Variants in TAFA5 observed in about 807,000 individuals in gnomAD.
TAFA5 encodes the protein TAFA chemokine like family member 5.
In TAFA5, 6 loss-of-function variants were observed where a neutral mutation model predicts 15.3. The ratio of observed to expected loss-of-function variants is 0.39; its 90% confidence interval spans 0.21 to 0.77. The LOEUF (loss-of-function observed/expected upper bound fraction) is 0.77. Ranked by LOEUF, TAFA5 falls within the 30% of genes least tolerant of loss-of-function variation. The pLI is 0.41. For missense variants in TAFA5, 161 were observed against 193.1 expected (o/e 0.83, Z 0.98); for synonymous variants, 103 against 80.7 (o/e 1.28, Z -1.48).
intron 1 of TAFA5, among the ~76,000 whole-genome samples, chr22:48,576,921 G>T (rs1923832316): frequency 6.6e-6 from 1 of 152,068 alleles, no homozygotes; most frequent in Non-Finnish European, 1.5e-5. Context: ...CCCGCACGCC[G>T]CCGGGCCCTC....
intron 1 of TAFA5, among the ~76,000 whole-genome samples, chr22:48,638,532 C>G (rs1241229268): frequency 1.5e-5 from 2 of 136,330 alleles, no homozygotes; most frequent in African/African-American, 5.7e-5. Flanking sequence ...GACCCCAACA[C>G]TAAGCCCTGG....
At chr22:48,626,834 G>A (rs1419781673) in intron 1 of TAFA5, among the ~76,000 whole-genome samples, 2 of 152,126 alleles carry the variant, frequency 1.3e-5, no homozygotes, top group African/African-American at 4.8e-5. Flanking sequence ...TCGTCTTTAG[G>A]TCTCAGGTCC....
At chr22:48,681,741 A>G (rs1928197688) in intron 2 of TAFA5, among the ~76,000 whole-genome samples, 1 of 152,048 alleles carries the variant, frequency 6.6e-6, no homozygotes, top group African/African-American at 2.4e-5. Flanking sequence ...GACAGAACAC[A>G]CGTGTAGTTA....
intron 2 of TAFA5, among the ~76,000 whole-genome samples, chr22:48,703,425 G>A (rs948500204): frequency 3.3e-5 from 5 of 152,246 alleles, no homozygotes; most frequent in Admixed American, 6.5e-5. Context: ...TAGACAGCCA[G>A]TGGGCTGGGC....
intron 1 of TAFA5, among the ~76,000 whole-genome samples, chr22:48,613,154 C>T (rs1925473510): frequency 6.6e-6 from 1 of 152,216 alleles, no homozygotes. Context: ...TCTCCTGATG[C>T]CTTCACTGAG....
At chr22:48,649,593 C>T (rs577718061) in intron 2 of TAFA5, among the ~76,000 whole-genome samples, 18 of 152,324 alleles carry the variant, frequency 1.2e-4, no homozygotes, top group East Asian at 3.9e-4. Context: ...TCTCAGGCCT[C>T]GGTTCTACAG....
chr22:48,715,606 C>G (rs1569091417), intron 3 of TAFA5, among the ~76,000 whole-genome samples: 2 of 152,206 alleles, frequency 1.3e-5, no homozygotes, highest in South Asian at 4.1e-4. Flanking sequence ...CCATGTGCTG[C>G]CTGGAACACT....
chr22:48,589,428 A>G lies in TAFA5; in HGVS notation c.113-57169A>G, dbSNP rs1353411090. ...GTTGGAGGTCCCCAAAGACAGAGCC[A>G]CCTGGAAACCCAGGGTCGGTTGGAG... On this transcript the variant is annotated intron_variant, in intron 1 of 3. Transcript: ENST00000402357. Among the ~76,000 whole-genome samples, 3 of 151,788 alleles carry G rather than the reference A, an allele frequency of 2.0e-5. No individual in the cohort carries two copies. In the South Asian group the frequency reaches 6.3e-4, roughly 32 times the overall value.
chr22:48,650,163 G>T (rs1927002109), intron 2 of TAFA5, among the ~76,000 whole-genome samples: 1 of 152,216 alleles, frequency 6.6e-6, no homozygotes, highest in African/African-American at 2.4e-5. Flanking sequence ...AACTTGTGCT[G>T]TGTTGGGTCG....
chr22:48,635,970 CA>C (rs1555894701), intron 1 of TAFA5, among the ~76,000 whole-genome samples: 1 of 152,154 alleles, frequency 6.6e-6, no homozygotes, highest in African/African-American at 2.4e-5. Context: ...GCTGTGGGTC[CA>C]GGGCGCCTTC....
At chr22:48,542,357 A>ATG (rs1194082534) in intron 1 of TAFA5, among the ~76,000 whole-genome samples, 1 of 52,680 alleles carries the variant, frequency 1.9e-5, no homozygotes, top group African/African-American at 7.6e-5. Flanking sequence ...GTGTGTGCAT[A>ATG]TGTGTGTGTG....
chr22:48,743,680 G>T lies in TAFA5; in HGVS notation c.391-6159G>T, dbSNP rs538634553. Among the ~76,000 whole-genome samples the T allele has an allele frequency of 9.2e-5, 14 of 152,318 alleles. No homozygotes were observed. In the South Asian group the frequency reaches 2.7e-3, roughly 29 times the overall value. ...GACTGTGGGGGAGCTGGGCCCCGCC[G>T]TGGGCAGCCGAGGCGCTGACGTCTC... On this transcript the variant is annotated intron_variant, in intron 3 of 3. Coordinates refer to ENST00000402357, the MANE Select transcript of TAFA5 (RefSeq NM_001082967.3).
Position 48,751,745 on chromosome 22 carries a change from C to T in TAFA5, c.*1898C>T, listed in dbSNP as rs1449703737. The T allele has an allele frequency of 1.3e-5, 2 of 152,436 alleles. No individual in the cohort carries two copies. The highest frequency in any genetic ancestry group is 2.9e-5 in the Non-Finnish European group (2 of 68,040). 9.4% of individuals were successfully genotyped at this position (152,436 alleles called of 1,614,324 possible). On this transcript the variant is annotated 3_prime_UTR_variant, in exon 4 of 4. Coordinates refer to ENST00000402357, the MANE Select transcript of TAFA5 (RefSeq NM_001082967.3). ...GGCTCCGGCGGCCCGGGCCGGCAGCCTCTGCCAGCCAGCGTCCTCACGGCC... is the reference window on the plus strand; with the variant it reads ...GGCTCCGGCGGCCCGGGCCGGCAGCTTCTGCCAGCCAGCGTCCTCACGGCC...
chr22:48,739,445 C>T (rs969796697), intron 3 of TAFA5, among the ~76,000 whole-genome samples: 2 of 152,184 alleles, frequency 1.3e-5, no homozygotes, highest in African/African-American at 4.8e-5. Context: ...TTCCCCAGCT[C>T]TCCACCTCAT....
chr22:48,612,893 A>G (rs148773217), intron 1 of TAFA5, among the ~76,000 whole-genome samples: 247 of 152,200 alleles, frequency 1.6e-3, no homozygotes, highest in African/African-American at 5.8e-3. Context: ...CGTGGGGAGC[A>G]GTGGGTGGTG....
chr22:48,707,552 C>T (rs185508841), intron 2 of TAFA5, among the ~76,000 whole-genome samples, 165 bp from the exon 3 acceptor site: 1 of 152,188 alleles, frequency 6.6e-6, no homozygotes, highest in African/African-American at 2.4e-5. Flanking sequence ...AGGAAGCTGG[C>T]AAAGCCCCTG....
intron 3 of TAFA5, among the ~76,000 whole-genome samples, chr22:48,719,170 C>G (rs1311577846): frequency 6.6e-6 from 1 of 152,208 alleles, no homozygotes; most frequent in Non-Finnish European, 1.5e-5. Context: ...CCTGCACACA[C>G]CCGCAGGGGC....
chr22:48,713,112 C>T (rs1021919761), intron 3 of TAFA5, among the ~76,000 whole-genome samples: 4 of 152,234 alleles, frequency 2.6e-5, no homozygotes, highest in African/African-American at 4.8e-5. Context: ...TTTGCACATT[C>T]GCTATTGAGT....
At chr22:48,564,294 G>T (rs1044592910) in intron 1 of TAFA5, among the ~76,000 whole-genome samples, 2 of 152,268 alleles carry the variant, frequency 1.3e-5, no homozygotes, top group African/African-American at 4.8e-5. Context: ...CCTAGGCCTG[G>T]GCAAGCCAGA....
Sources: gnomAD v4.1 joint callset for allele counts (sites outside exome capture counted in the v4.1 genomes callset) on GRCh38, gnomAD v4.1.1 for gene constraint, MANE v1.5 for transcripts, NCBI Gene and HGNC (gene_info 2026-07-23, HGNC 2026-07-21) for gene names.